Variants in STXBP6 observed in about 807,000 individuals in gnomAD.
STXBP6 encodes syntaxin binding protein 6.
A neutral mutation model predicts 26.9 loss-of-function variants in STXBP6; 21 were observed. The ratio of observed to expected loss-of-function variants is 0.78; its 90% CI spans 0.55 to 1.12. The LOEUF (loss-of-function observed/expected upper bound fraction) is 1.12, where lower values mean the gene tolerates loss of function less well. Ranked by LOEUF, STXBP6 falls within the 50% of genes most tolerant of loss-of-function variation. The probability of loss-of-function intolerance (pLI) is 0.00; values close to 1 mark genes in which losing one functional copy is unlikely to be tolerated. For synonymous variants in STXBP6, 97 were observed against 92.6 expected (o/e 1.05, Z -0.27); for missense variants, 232 against 257.9 (o/e 0.90, Z 0.69).
At chr14:24,848,725 T>G (rs2069047161) in intron 4 of STXBP6, among the ~76,000 whole-genome samples, 1 of 152,136 alleles carries the variant, frequency 6.6e-6, no homozygotes, top group African/African-American at 2.4e-5. Context: ...TTTCCTTAGT[T>G]TCTAGTCATT....
intron 2 of STXBP6, among the ~76,000 whole-genome samples, chr14:24,928,538 A>G (rs2072265849): frequency 6.6e-6 from 1 of 152,250 alleles, no homozygotes; most frequent in African/African-American, 2.4e-5. Flanking sequence ...CATACTGTGA[A>G]AACAAATTAG....
intron 1 of STXBP6, among the ~76,000 whole-genome samples, chr14:25,039,867 C>T (rs566678375): frequency 6.6e-6 from 1 of 152,016 alleles, no homozygotes. Context: ...CCACCATGCC[C>T]GGCTAATTTT....
chr14:24,827,416 C>A (rs1399613168), intron 4 of STXBP6, among the ~76,000 whole-genome samples: 1 of 151,998 alleles, frequency 6.6e-6, no homozygotes, highest in East Asian at 1.9e-4. Context: ...AATTAAAAAC[C>A]TTCATATTAA....
intron 2 of STXBP6, among the ~76,000 whole-genome samples, chr14:24,923,498 A>G (rs1043652622): frequency 2.0e-5 from 3 of 152,166 alleles, no homozygotes; most frequent in Non-Finnish European, 4.4e-5. Flanking sequence ...AAGCCCTATA[A>G]GCACACCTTA....
chr14:24,904,084 C>G (rs929410030), intron 2 of STXBP6, among the ~76,000 whole-genome samples: 1 of 152,138 alleles, frequency 6.6e-6, no homozygotes, highest in Non-Finnish European at 1.5e-5. Context: ...AGGGTATAGG[C>G]AAAGATGTCA....
At chr14:24,812,755 A>C (rs755037208) in intron 5 of STXBP6, 23 bp from the exon 6 acceptor site, 56 of 1,613,168 alleles carry the variant, frequency 3.5e-5, no homozygotes, top group South Asian at 2.1e-4. Flanking sequence ...AGGAATGAGA[A>C]AAGTAAGACT....
At chr14:25,018,809 T>TGTAG (rs1166698904) in intron 1 of STXBP6, among the ~76,000 whole-genome samples, 1 of 152,212 alleles carries the variant, frequency 6.6e-6, no homozygotes, top group Non-Finnish European at 1.5e-5. Context: ...AATTCTTCAA[T>TGTAG]GTAGGATCTT....
intron 4 of STXBP6, among the ~76,000 whole-genome samples, chr14:24,836,743 A>G (rs1445213784): frequency 4.6e-5 from 7 of 152,168 alleles, no homozygotes; most frequent in Non-Finnish European, 1.0e-4. Context: ...AAAATCAACA[A>G]AAGAAAAAGA....
At chr14:24,877,857 A>G (rs1274810891) in intron 2 of STXBP6, among the ~76,000 whole-genome samples, 1 of 152,210 alleles carries the variant, frequency 6.6e-6, no homozygotes, top group Non-Finnish European at 1.5e-5. Flanking sequence ...TAAGCAATGT[A>G]ACATCTTGCA....
At chr14:25,024,014 A>G (rs910465384) in intron 1 of STXBP6, among the ~76,000 whole-genome samples, 3 of 152,154 alleles carry the variant, frequency 2.0e-5, no homozygotes, top group Non-Finnish European at 4.4e-5. Flanking sequence ...ACAATGTACT[A>G]TAAAACACAT....
At chr14:24,874,282 T>C (rs568378534) in intron 2 of STXBP6, among the ~76,000 whole-genome samples, 1 of 152,210 alleles carries the variant, frequency 6.6e-6, no homozygotes, top group South Asian at 2.1e-4. Context: ...ATGAGAGGGA[T>C]AGTCACTCAG....
In STXBP6 at chr14:24,917,268, C is replaced by T. The variant is rs370049638; in HGVS notation, c.154+57397G>A. ...ACACAAAAACTAGAAGAAAAGATGA[C>T]AAAATGGAGTAGGCAAATGTGTGAT... On this transcript the variant is annotated intron_variant, in intron 2 of 5. Transcript: ENST00000323944. Among the ~76,000 whole-genome samples the T allele has an allele frequency of 5.3e-5, 8 of 152,156 alleles. 1 individual carries two copies. The East Asian group carries it at 5.8e-4, about 11-fold the overall frequency.
chr14:24,930,923 A>G (rs2072364036), intron 2 of STXBP6, among the ~76,000 whole-genome samples: 1 of 147,018 alleles, frequency 6.8e-6, no homozygotes, highest in Non-Finnish European at 1.5e-5. Flanking sequence ...CATCCTGGCT[A>G]ACAAGGTGAA....
chr14:24,945,139 ATTTTTTTTTTTTTTTTT>A (rs552562019), intron 2 of STXBP6, among the ~76,000 whole-genome samples: 26 of 100,718 alleles, frequency 2.6e-4, no homozygotes, highest in African/African-American at 8.4e-4. Flanking sequence ...CCAATTAGGA[ATTTTTTTTTTTTTTTTT>A]TTTTTTTTTT....
intron 2 of STXBP6, among the ~76,000 whole-genome samples, chr14:24,858,163 A>G (rs1254315572): frequency 6.6e-6 from 1 of 152,146 alleles, no homozygotes; most frequent in East Asian, 1.9e-4. Context: ...ATAACTATGT[A>G]GATGCTCAAC....
intron 1 of STXBP6, among the ~76,000 whole-genome samples, chr14:25,006,788 T>C (rs1013283681): frequency 6.6e-6 from 1 of 152,064 alleles, no homozygotes; most frequent in African/African-American, 2.4e-5. Flanking sequence ...ATCAATCACA[T>C]CTTAGATTCA....
At chr14:25,028,108 G>A (rs1456790913) in intron 1 of STXBP6, among the ~76,000 whole-genome samples, 3 of 152,236 alleles carry the variant, frequency 2.0e-5, no homozygotes, top group Admixed American at 6.5e-5. Flanking sequence ...GCTGCAGCAA[G>A]TTATGCGGAT....
At chr14:24,907,835 G>T (rs2071437036) in intron 2 of STXBP6, among the ~76,000 whole-genome samples, 1 of 150,674 alleles carries the variant, frequency 6.6e-6, no homozygotes, top group African/African-American at 2.4e-5. Flanking sequence ...CCTCTGCAAG[G>T]TGCTCCTCCT....
At chr14:24,837,565 T>A (rs1049284107) in intron 4 of STXBP6, among the ~76,000 whole-genome samples, 1 of 152,162 alleles carries the variant, frequency 6.6e-6, no homozygotes, top group Non-Finnish European at 1.5e-5. Flanking sequence ...TGTTAGCAGG[T>A]TGGAACTCTC....
Sources: gnomAD v4.1 joint callset for allele counts (sites outside exome capture counted in the v4.1 genomes callset) on GRCh38, gnomAD v4.1.1 for gene constraint, MANE v1.5 for transcripts, NCBI Gene and HGNC (gene_info 2026-07-23, HGNC 2026-07-21) for gene names.